BSN: variants seen among roughly 807,000 people sequenced by gnomAD.
BSN encodes the protein bassoon presynaptic cytomatrix protein.
Under a neutral mutation model 264.8 loss-of-function variants are expected in BSN, and 57 were observed. The observed-to-expected ratio is 0.22, with a 90% confidence interval of 0.17 to 0.27. BSN has a LOEUF of 0.27. Ranked by LOEUF, BSN falls within the 10% of genes least tolerant of loss-of-function variation. The pLI, the probability that BSN is intolerant of heterozygous loss-of-function variation, is 1.00. For missense variants in BSN, 4,615 were observed against 5,232.5 expected (o/e 0.88, Z 3.64); for synonymous variants, 2,059 against 2,137.3 (o/e 0.96, Z 1.01).
chr3:49,592,531 A>G (rs998132319), intron 1 of BSN, among the ~76,000 whole-genome samples: 1 of 150,408 alleles, frequency 6.6e-6, no homozygotes, highest in Non-Finnish European at 1.5e-5. Context: ...AGGCGGGCGG[A>G]TCACGAGGTC....
intron 1 of BSN, among the ~76,000 whole-genome samples, chr3:49,620,205 T>A (rs886481727): frequency 6.6e-6 from 1 of 151,900 alleles, no homozygotes; most frequent in African/African-American, 2.4e-5. Flanking sequence ...GGCGGGCGGA[T>A]CACAAGGTCA....
intron 1 of BSN, among the ~76,000 whole-genome samples, chr3:49,619,208 A>C (rs914803430): frequency 3.9e-5 from 6 of 152,098 alleles, no homozygotes; most frequent in African/African-American, 1.4e-4. Flanking sequence ...GCCCAGCCCC[A>C]CTCTGTGAGC....
chr3:49,598,093 G>A (rs566593157), intron 1 of BSN, among the ~76,000 whole-genome samples: 2 of 152,154 alleles, frequency 1.3e-5, no homozygotes, highest in South Asian at 2.1e-4. Flanking sequence ...ATTTGTAATT[G>A]TTGCTTTGAA....
rs187268648 is a variant in BSN at position 49,593,550 on chromosome 3, G to T, written c.225-31425G>T. Among the ~76,000 whole-genome samples the T allele has an allele frequency of 3.5e-4, 53 of 152,198 alleles. 1 individual carries two copies. The highest frequency in any genetic ancestry group is 2.8e-3 in the Admixed American group (43 of 15,292). On this transcript the variant is annotated intron_variant, in intron 1 of 11. Transcript: ENST00000296452. ...AGTGATTCAGTCTCTCTGCATCTTT[G>T]TAAGTATTTGGTTGTTTTTTCATTT... is the stretch of plus-strand genomic sequence containing the variant.
chr3:49,574,924 C>T (rs191792109), intron 1 of BSN, among the ~76,000 whole-genome samples: 1 of 152,108 alleles, frequency 6.6e-6, no homozygotes, highest in Non-Finnish European at 1.5e-5. Context: ...AGGCATGAGC[C>T]ACCGCACCCA....
At chr3:49,664,196 C>T (rs2052691432) in intron 8 of BSN, among the ~76,000 whole-genome samples, 1 of 152,112 alleles carries the variant, frequency 6.6e-6, no homozygotes, top group Admixed American at 6.5e-5. Flanking sequence ...TCTTCTCTGC[C>T]TTTTTTTCCC....
rs2052744439 is a variant in BSN, at chr3:49,670,096, T to A, written c.*2611T>A. ...GAAGCTGCCAACCTTTGTGTTGGAC[T>A]TAACACCCTTGCCTTTCTGGGACTT... On this transcript the variant is annotated 3_prime_UTR_variant, in exon 12 of 12. Transcript: ENST00000296452. 6.5e-6 allele frequency: 1 copy of A among 152,704 alleles called. No homozygotes were observed. Among genetic ancestry groups the A allele is most frequent in the African/African-American group, 2.4e-5 (1 of 41,470 alleles). 9.5% of individuals were successfully genotyped at this position (152,704 alleles called of 1,614,324 possible). A position where few individuals can be genotyped will look rare whatever the true frequency, so the allele number is the denominator to read the frequency against.
chr3:49,604,265 T>C (rs892960395), intron 1 of BSN, among the ~76,000 whole-genome samples: 6 of 152,094 alleles, frequency 3.9e-5, no homozygotes, highest in African/African-American at 1.4e-4. Flanking sequence ...TACAGTTCAG[T>C]GGTATTAGAT....
chr3:49,563,806 G>A (rs1165291659), intron 1 of BSN, among the ~76,000 whole-genome samples: 1 of 152,172 alleles, frequency 6.6e-6, no homozygotes, highest in Non-Finnish European at 1.5e-5. Context: ...CCCTTGGTGT[G>A]AACACCCAAG....
In BSN at chr3:49,656,764, G is replaced by C. The variant is rs1470506881; in HGVS notation, c.7208G>C (p.Arg2403Thr). 2.5e-6 allele frequency: 4 copies of C among 1,580,342 alleles called. No individual in the cohort carries two copies. The highest frequency in any genetic ancestry group is 3.4e-6 in the Non-Finnish European group (4 of 1,163,072). ...ELERERVELQ[R>T]HREEEQLLVQ... ...GAGCGGGAACGTGTGGAGCTGCAGA[G>C]GCACCGTGAGGAGGAGCAGCTGCTG... The change falls in exon 5 of 12, where the codon AGG (arginine) becomes ACG (threonine). Residue 2403 changes from arginine (R) to threonine (T), a missense_variant. This residue lies in a region of BSN where 3,415 missense variants were observed against 3,866.4 expected (regional missense o/e 0.88). Coordinates refer to ENST00000296452, the MANE Select transcript of BSN (RefSeq NM_003458.4).
At chr3:49,637,596 G>A (rs1310457875) in intron 2 of BSN, among the ~76,000 whole-genome samples, 1 of 152,204 alleles carries the variant, frequency 6.6e-6, no homozygotes, top group Non-Finnish European at 1.5e-5. Flanking sequence ...CTTGGCCAGT[G>A]CCACCTTAGC....
At chr3:49,569,438 G>A (rs929939808) in intron 1 of BSN, among the ~76,000 whole-genome samples, 13 of 152,182 alleles carry the variant, frequency 8.5e-5, no homozygotes, top group African/African-American at 3.1e-4. Flanking sequence ...CTGCCATTAA[G>A]TGCCTACTAG....
At chr3:49,672,479 C>CTTTTTTTTTTTTTTTTTTTTTTT (rs371314787), downstream of BSN, among the ~76,000 whole-genome samples, 2 of 143,052 alleles carry the variant, frequency 1.4e-5, no homozygotes, top group Non-Finnish European at 1.5e-5. Context: ...AGTTGGGACT[C>CTTTTTTTTTTTTTTTTTTTTTTT]TTTTTTTTTT....
intron 1 of BSN, among the ~76,000 whole-genome samples, chr3:49,592,839 TATG>T (rs2051991150): frequency 6.6e-6 from 1 of 152,188 alleles, no homozygotes; most frequent in South Asian, 2.1e-4. Context: ...AATGGTGCAG[TATG>T]ATATTATAAC....
chr3:49,639,361 G>C (rs2052443695), intron 2 of BSN, among the ~76,000 whole-genome samples: 1 of 151,884 alleles, frequency 6.6e-6, no homozygotes, highest in Non-Finnish European at 1.5e-5. Context: ...ACCACACCCG[G>C]CTAATTTTTT....
intron 1 of BSN, among the ~76,000 whole-genome samples, chr3:49,608,497 T>C (rs547607469): frequency 6.6e-6 from 1 of 152,310 alleles, no homozygotes; most frequent in East Asian, 1.9e-4. Flanking sequence ...GAGATGGCAT[T>C]TTTAAATCAG....
intron 6 of BSN, 113 bp from the exon 7 acceptor site, chr3:49,662,763 G>A (rs938554955): frequency 1.4e-6 from 2 of 1,426,086 alleles, no homozygotes; most frequent in African/African-American, 1.4e-5. Flanking sequence ...GGGGCCTGCT[G>A]ATCTGCTTGT....
In BSN at chr3:49,654,500, C is replaced by A; in HGVS notation, c.4944C>A (p.Val1648=). The A allele has an allele frequency of 1.2e-6, 2 of 1,611,208 alleles. No individual in the cohort carries two copies. The highest frequency in any genetic ancestry group is 8.5e-7 in the Non-Finnish European group (1 of 1,178,668). ...TCTCCCTGTGCCGGATCTCCTCTGTCCCTGGGACGTCTAGGGTTGAGCCAG... is the reference window on the plus strand; with the variant it reads ...TCTCCCTGTGCCGGATCTCCTCTGTACCTGGGACGTCTAGGGTTGAGCCAG... ...ENISLCRISS[V]PGTSRVEPGP... The change falls in exon 5 of 12, where the codon GTC becomes GTA. Residue 1648 remains valine (V), a synonymous_variant. Coordinates refer to ENST00000296452, the MANE Select transcript of BSN (RefSeq NM_003458.4). This position sits in a 1 kb window ranked among gnomAD's most constrained non-coding sequence, Gnocchi z 4.1.
rs772921767 is a variant in BSN at position 49,653,645 on chromosome 3, C to A, written c.4089C>A (p.Pro1363=). ...PLKLHSSPAS[P]SSASKEIGMP... is the part of the protein sequence containing the mutation. ...AGCTGCACAGCTCTCCTGCCTCCCC[C>A]AGCTCAGCCTCCAAGGAGATAGGCA... Residue 1363 remains proline, a synonymous_variant, in exon 5 of 12, where the codon CCC becomes CCA. Transcript: ENST00000296452. The surrounding 1 kb of genome is among the most constrained non-coding windows in gnomAD (Gnocchi z 6.3). 5.0e-6 allele frequency: 8 copies of A among 1,613,748 alleles called. No homozygotes were observed. The highest frequency in any genetic ancestry group is 2.7e-5 in the African/African-American group (2 of 74,886).
Sources: allele counts gnomAD v4.1 joint callset (sites outside exome capture counted in the v4.1 genomes callset), GRCh38; gene constraint gnomAD v4.1.1; regional missense constraint gnomAD v4.1.1; non-coding constraint Gnocchi (gnomAD v3.1); transcripts MANE v1.5; gene names NCBI Gene and HGNC (gene_info 2026-07-23, HGNC 2026-07-21).